NUCKS1: variants seen among roughly 807,000 people sequenced by gnomAD.
NUCKS1 encodes the protein nuclear ubiquitous casein and cyclin-dependent kinase substrate 1.
Under a neutral mutation model 33.0 loss-of-function variants are expected in NUCKS1, and 2 were observed. That is an observed-to-expected ratio of 0.06 (90% CI 0.02 to 0.19). The LOEUF is 0.19. Among genes scored for constraint, NUCKS1 ranks in the 10% least tolerant of loss-of-function variants. NUCKS1 has a pLI of 1.00. For synonymous variants in NUCKS1, 106 were observed against 102.8 expected, an observed-to-expected ratio of 1.03 and a Z score of -0.19; for missense variants, 201 against 293.6, an observed-to-expected ratio of 0.68 and a Z score of 2.31.
At chr1:205,727,345 A>G (rs1416208919) in intron 3 of NUCKS1, among the ~76,000 whole-genome samples, 1 of 152,172 alleles carries the variant, frequency 6.6e-6, no homozygotes, top group Non-Finnish European at 1.5e-5. Flanking sequence ...ACTCTCCAAA[A>G]TGGTTAAATT....
chr1:205,749,693 T>C (rs549732171), intron 1 of NUCKS1, among the ~76,000 whole-genome samples: 3 of 151,746 alleles, frequency 2.0e-5, no homozygotes, highest in African/African-American at 7.2e-5. Flanking sequence ...CCGCCCGCTC[T>C]AGTGCGGTGG....
chr1:205,738,119 G>C (rs1177178759), intron 1 of NUCKS1, among the ~76,000 whole-genome samples: 2 of 152,024 alleles, frequency 1.3e-5, no homozygotes, highest in African/African-American at 4.8e-5. Flanking sequence ...TCTACCTCCC[G>C]GGTTCAAGCA....
intron 1 of NUCKS1, among the ~76,000 whole-genome samples, chr1:205,747,153 AGC>A (rs1324378903): frequency 6.6e-6 from 1 of 152,172 alleles, no homozygotes; most frequent in Non-Finnish European, 1.5e-5. Flanking sequence ...CAGAAGGTAC[AGC>A]GATCATGCGG....
chr1:205,714,379 A>G lies in NUCKS1; in HGVS notation c.*3901T>C, dbSNP rs1226433525. ...TGGCATTCTACCAGCCACACAAAGC[A>G]TGCTCAAACAGATGTCACCAGTTCA... is the stretch of plus-strand genomic sequence containing the variant. On this transcript the variant is annotated 3_prime_UTR_variant, in exon 7 of 7. Coordinates refer to ENST00000367142, the MANE Select transcript of NUCKS1 (RefSeq NM_022731.5). The G allele has an allele frequency of 2.6e-5, 4 of 152,198 alleles. No homozygotes were observed. The highest frequency in any genetic ancestry group is 5.9e-5 in the Non-Finnish European group (4 of 68,036). The allele number at this position is 152,198 out of a possible 1,614,324, so 9.4% of individuals were successfully genotyped here.
At chr1:205,736,549 G>A (rs1654039555) in intron 1 of NUCKS1, among the ~76,000 whole-genome samples, 1 of 152,014 alleles carries the variant, frequency 6.6e-6, no homozygotes, top group Non-Finnish European at 1.5e-5. Flanking sequence ...TAATTGCCAG[G>A]TGTGGTGGCT....
At chr1:205,727,851 TA>T in intron 2 of NUCKS1, 46 bp from the exon 3 acceptor site, 1 of 1,219,856 alleles carries the variant, frequency 8.2e-7, no homozygotes. Flanking sequence ...TTTTACATGT[TA>T]AAATCACCAC....
At chr1:205,730,211 A>AT (rs897345078) in intron 1 of NUCKS1, among the ~76,000 whole-genome samples, 77 of 151,174 alleles carry the variant, frequency 5.1e-4, no homozygotes, top group African/African-American at 1.8e-3. Context: ...ATGCTGGCTA[A>AT]TTTTTTTTCA....
At chr1:205,737,817 T>C (rs185205717) in intron 1 of NUCKS1, among the ~76,000 whole-genome samples, 1 of 152,350 alleles carries the variant, frequency 6.6e-6, no homozygotes, top group African/African-American at 2.4e-5. Context: ...TATAGTATCG[T>C]ATTTTAAAAA....
Position 205,717,847 on chromosome 1 carries a change from T to C in NUCKS1, c.*433A>G. The C allele has an allele frequency of 1.0e-6, 1 of 986,024 alleles. No homozygotes were observed. The highest frequency in any genetic ancestry group is 1.2e-6 in the Non-Finnish European group (1 of 830,110). 61.1% of individuals were successfully genotyped at this position (986,024 alleles called of 1,614,324 possible). A position where few individuals can be genotyped will look rare whatever the true frequency, so the allele number is the denominator to read the frequency against. Reference sequence around the variant, plus strand: ...CAATCATTTTGAACTAAAATCTTTCTATGTTTTTTGATTACTATTCAACTT... The same window carrying C: ...CAATCATTTTGAACTAAAATCTTTCCATGTTTTTTGATTACTATTCAACTT... On this transcript the variant is annotated 3_prime_UTR_variant, in exon 7 of 7. Transcript: ENST00000367142.
chr1:205,723,551 T>G (rs1337868683), intron 4 of NUCKS1, among the ~76,000 whole-genome samples: 2 of 152,160 alleles, frequency 1.3e-5, no homozygotes, highest in Non-Finnish European at 2.9e-5. Context: ...TTTATGCCCC[T>G]ATTTTACCAA....
chr1:205,741,312 A>G (rs1041298922), intron 1 of NUCKS1, among the ~76,000 whole-genome samples: 23 of 151,238 alleles, frequency 1.5e-4, no homozygotes, highest in Non-Finnish European at 2.7e-4. Flanking sequence ...AAAAAAAAAA[A>G]AAAAAAAGAA....
Position 205,717,247 on chromosome 1 carries a change from C to G in NUCKS1, c.*1033G>C. On this transcript the variant is annotated 3_prime_UTR_variant, in exon 7 of 7. Transcript: ENST00000367142. The stretch of plus-strand genomic sequence containing the variant: ...GCACATTTATAGCATAAAAGAATGT[C>G]AATTCTATTTCATAAAGGAAAAATC... 1 of 904,632 alleles carries G rather than the reference C, an allele frequency of 1.1e-6. No individual in the cohort carries two copies. Among genetic ancestry groups the G allele is most frequent in the South Asian group, 5.1e-5 (1 of 19,760 alleles). The allele number at this position is 904,632 out of a possible 1,614,324, so 56.0% of individuals were successfully genotyped here.
At chr1:205,729,062 G>A (rs1042427381) in intron 2 of NUCKS1, among the ~76,000 whole-genome samples, 15 of 151,926 alleles carry the variant, frequency 9.9e-5, no homozygotes, top group Admixed American at 5.9e-4. Context: ...TCCGCCTCCC[G>A]AGTTCAAGCG....
At chr1:205,749,839 G>A (rs186075993) in intron 1 of NUCKS1, 118 bp downstream of exon 1, 16,239 of 1,141,828 alleles carry the variant, frequency 0.014, 158 homozygotes, top group Non-Finnish European at 0.018. Context: ...GGCCCCGAAA[G>A]GGAGGAGGCC....
rs1282994344 is a variant in NUCKS1 at position 205,712,883 on chromosome 1, T to G, written c.*5397A>C. On this transcript the variant is annotated 3_prime_UTR_variant, in exon 7 of 7. Transcript: ENST00000367142. ...GTTAAACTTTGCTTTCCACAACACT[T>G]CATAACCTTGGATGTAAACATGAGA... 1 of 152,216 alleles carries G rather than the reference T, an allele frequency of 6.6e-6. No homozygotes were observed. The highest frequency in any genetic ancestry group is 1.5e-5 in the Non-Finnish European group (1 of 68,042). The allele number at this position is 152,216 out of a possible 1,614,324, so 9.4% of individuals were successfully genotyped here. A position where few individuals can be genotyped will look rare whatever the true frequency, so the allele number is the denominator to read the frequency against.
intron 1 of NUCKS1, among the ~76,000 whole-genome samples, chr1:205,736,097 G>C (rs1187050397): frequency 6.6e-6 from 1 of 152,092 alleles, no homozygotes; most frequent in Non-Finnish European, 1.5e-5. Flanking sequence ...GATTACAGGT[G>C]TGTGTCACAA....
rs75486294 is a variant in NUCKS1, at chr1:205,722,916, A to G, written c.229+1010T>C. 8.4e-3 allele frequency among the ~76,000 whole-genome samples: 1,279 copies of G among 152,374 alleles called. 8 individuals are homozygous for G. The highest frequency in any genetic ancestry group is 0.017 in the Middle Eastern group (5 of 294). The stretch of plus-strand genomic sequence containing the variant: ...TAGAGACAAACAGAATAAAGCTGAC[A>G]TGGCCGACCCAAAACTAAACCCACT... On this transcript the variant is annotated intron_variant, in intron 4 of 6. Transcript: ENST00000367142.
chr1:205,737,510 C>A (rs1654061626), intron 1 of NUCKS1, among the ~76,000 whole-genome samples: 1 of 152,208 alleles, frequency 6.6e-6, no homozygotes, highest in Admixed American at 6.5e-5. Flanking sequence ...TTTGTCAGCC[C>A]TCTCCGGGTA....
At chr1:205,722,863 C>A (rs764929930) in intron 4 of NUCKS1, among the ~76,000 whole-genome samples, 4 of 152,184 alleles carry the variant, frequency 2.6e-5, no homozygotes, top group Non-Finnish European at 4.4e-5. Context: ...GTGTTCAAGT[C>A]ATCTCTTTCA....
Sources: allele counts gnomAD v4.1 joint callset (sites outside exome capture counted in the v4.1 genomes callset), GRCh38; gene constraint gnomAD v4.1.1; transcripts MANE v1.5; gene names NCBI Gene and HGNC (gene_info 2026-07-23, HGNC 2026-07-21).